The following INA variants were observed in gnomAD, a reference collection of about 807,000 sequenced individuals.
The protein encoded by INA is alpha-internexin.
A neutral mutation model predicts 40.1 loss-of-function variants in INA; 35 were observed. That is an observed-to-expected ratio of 0.87 (90% CI 0.67 to 1.16). The LOEUF (loss-of-function observed/expected upper bound fraction) is 1.16. Among genes scored for constraint, INA ranks in the 50% most tolerant of loss-of-function variants. The probability of loss-of-function intolerance (pLI) is 0.00; values close to 1 mark genes in which losing one functional copy is unlikely to be tolerated. For synonymous variants in INA, 290 were observed against 316.9 expected (o/e 0.92, Z 0.90); for missense variants, 594 against 686.7 (o/e 0.87, Z 1.51).
At chr10:103,282,662 G>A (rs2093075141) in intron 1 of INA, among the ~76,000 whole-genome samples, 1 of 151,996 alleles carries the variant, frequency 6.6e-6, no homozygotes, top group Non-Finnish European at 1.5e-5. Context: ...TAATTGCTGT[G>A]GAAGGTGGCA....
At chr10:103,287,960 C>T (rs1223762054) in intron 2 of INA, among the ~76,000 whole-genome samples, 3 of 152,142 alleles carry the variant, frequency 2.0e-5, no homozygotes, top group Non-Finnish European at 4.4e-5. Flanking sequence ...GTTTCTACCA[C>T]CTTTGTGGAC....
intron 1 of INA, chr10:103,280,045 A>G (rs2093069465): frequency 7.9e-7 from 1 of 1,273,790 alleles, no homozygotes. Flanking sequence ...GGGCTTCTCC[A>G]TTTTCTCTGC....
Position 103,277,142 on chromosome 10 carries a change from T to A in INA, c.-70T>A. 8.2e-6 allele frequency: 12 copies of A among 1,468,728 alleles called. No homozygotes were observed. The highest frequency in any genetic ancestry group is 1.1e-5 in the Non-Finnish European group (12 of 1,116,604). The allele number at this position is 1,468,728 out of a possible 1,614,324, so 91.0% of individuals were successfully genotyped here. Reference sequence around the variant, plus strand: ...CCGGGCGCACCGCCCCGCCGCGCCCTGCCTGCCGCACCTCTCCTTTCTTCT... The same window carrying A: ...CCGGGCGCACCGCCCCGCCGCGCCCAGCCTGCCGCACCTCTCCTTTCTTCT... On this transcript the variant is annotated 5_prime_UTR_variant, in exon 1 of 3. Transcript: ENST00000369849. The surrounding 1 kb of genome is among the most constrained non-coding windows in gnomAD (Gnocchi z 5.6).
At position 103,278,275 on chromosome 10, in the gene INA, A is replaced by T; in HGVS notation, c.1064A>T (p.Gln355Leu). ...CACAGTGCCGAGGTAGCTGGCTACC[A>T]GGTAAGGGCCGGGGCTGGGCGTGGG... is the stretch of plus-strand genomic sequence containing the variant. The part of the protein sequence containing the change: ...ERHSAEVAGY[Q>L]DSIGQLENDL... The change falls in exon 1 of 3, where the codon CAG (glutamine) becomes CTG (leucine). Residue 355 changes from glutamine (Q) to leucine (L), a missense_variant and splice_region_variant. Transcript: ENST00000369849. This position sits in a 1 kb window ranked among gnomAD's most constrained non-coding sequence, Gnocchi z 4.9. 1 of 1,546,394 alleles carries T rather than the reference A, an allele frequency of 6.5e-7. No homozygotes were observed. The highest frequency in any genetic ancestry group is 8.7e-7 in the Non-Finnish European group (1 of 1,144,564).
chr10:103,280,796 C>T lies in INA; in HGVS notation c.1065+2520C>T, dbSNP rs2093070974. The T allele has an allele frequency of 4.1e-6, 4 of 985,444 alleles. No homozygotes were observed. The South Asian group carries it at 1.4e-4, about 35-fold the overall frequency. 61.0% of individuals were successfully genotyped at this position (985,444 alleles called of 1,614,324 possible). On this transcript the variant is annotated intron_variant, in intron 1 of 2. Transcript: ENST00000369849. ...TTGTCTTCAAAAGCCAAATGCAACT[C>T]CCCTCTGCATAAAAAGCTGATGGGG...
At chr10:103,287,967 G>T (rs2093090390) in intron 2 of INA, among the ~76,000 whole-genome samples, 1 of 152,026 alleles carries the variant, frequency 6.6e-6, no homozygotes, top group African/African-American at 2.4e-5. Flanking sequence ...CCACCTTTGT[G>T]GACATCTCAC....
chr10:103,277,599 C>A lies in INA; in HGVS notation c.388C>A (p.Arg130=). 6.4e-7 allele frequency: 1 copy of A among 1,552,012 alleles called. No homozygotes were observed. The change falls in exon 1 of 3, where the codon CGA becomes AGA. Residue 130 remains arginine (R), a synonymous_variant. Transcript: ENST00000369849. The surrounding 1 kb of genome is among the most constrained non-coding windows in gnomAD (Gnocchi z 5.6). ...GTTGGAGGCCGAGCTGGCCGCGCTG[C>A]GACAGCGCCACGCTGAGCCGTCGCG... ...RALEAELAAL[R]QRHAEPSRVG...
Position 103,281,835 on chromosome 10 carries a change from G to A in INA, c.1065+3559G>A, listed in dbSNP as rs953770907. 3.5e-4 allele frequency among the ~76,000 whole-genome samples: 54 copies of A among 152,348 alleles called. 1 individual carries two copies. Among genetic ancestry groups the A allele is most frequent in the African/African-American group, 1.3e-3 (53 of 41,586 alleles). On this transcript the variant is annotated intron_variant, in intron 1 of 2. Transcript: ENST00000369849. ...CCCGGCATCCTTCCAGCCACGGGCT[G>A]CGATGCTCAGACGAGCTAAGACGAT...
At chr10:103,279,915 A>C in intron 1 of INA, 1 of 1,288,054 alleles carries the variant, frequency 7.8e-7, no homozygotes, top group South Asian at 1.2e-5. Context: ...ACATTTGGCT[A>C]ATTGAGACTT....
In INA at chr10:103,287,150, C is replaced by T. The variant is rs750128779; in HGVS notation, c.1181C>T (p.Ala394Val). 2 of 1,613,222 alleles carry T rather than the reference C, an allele frequency of 1.2e-6. No individual in the cohort carries two copies. Among genetic ancestry groups the T allele is most frequent in the Non-Finnish European group, 1.7e-6 (2 of 1,179,638 alleles). ...NVKMALDIEIAAYRKLLEGEE... is the reference protein window; with the variant it reads ...NVKMALDIEIVAYRKLLEGEE... Reference sequence around the variant, plus strand: ...AAAATGGCTCTTGACATTGAGATAGCAGCTTACAGGTACTGCAAAGGACCT... The same window carrying T: ...AAAATGGCTCTTGACATTGAGATAGTAGCTTACAGGTACTGCAAAGGACCT... The change falls in exon 2 of 3, where the codon GCA becomes GTA. Residue 394 changes from alanine (A) to valine (V), a missense_variant. Physicochemically the swap from Ala to Val is moderately conservative, Grantham distance 64. Around this residue, in one of 2 missense-constraint regions of INA, gnomAD observed 379 missense variants for 496.1 expected, o/e 0.76. Transcript: ENST00000369849.
At chr10:103,280,101 G>C in intron 1 of INA, 1 of 1,207,186 alleles carries the variant, frequency 8.3e-7, no homozygotes, top group Non-Finnish European at 1.1e-6. Context: ...GTTTTGCCTG[G>C]CTTGTTTGCT....
In INA at chr10:103,288,473, C is replaced by T. The variant is rs1469907897; in HGVS notation, c.1304C>T (p.Thr435Ile). 1 of 1,614,020 alleles carries T rather than the reference C, an allele frequency of 6.2e-7. No individual in the cohort carries two copies. Among genetic ancestry groups the T allele is most frequent in the South Asian group, 1.1e-5 (1 of 91,054 alleles). The change falls in exon 3 of 3, where the codon ACA (threonine) becomes ATA (isoleucine). Residue 435 changes from threonine (T) to isoleucine (I), a missense_variant. Coordinates refer to ENST00000369849, the MANE Select transcript of INA (RefSeq NM_032727.4). ...CTCCCACCTAGAATCCTCAGTGCTA[C>T]AACCTCCAAAGTCTCATCCACTGGG... ...YLLPPRILSA[T>I]TSKVSSTGLS...
At chr10:103,284,683 G>A (rs1267022156) in intron 1 of INA, among the ~76,000 whole-genome samples, 2 of 152,008 alleles carry the variant, frequency 1.3e-5, no homozygotes, top group Non-Finnish European at 2.9e-5. Context: ...GAACCCAGGT[G>A]GTGGAGGTTG....
chr10:103,284,070 T>G (rs1291337875), intron 1 of INA, among the ~76,000 whole-genome samples: 2 of 151,324 alleles, frequency 1.3e-5, no homozygotes, highest in Non-Finnish European at 2.9e-5. Context: ...TGCCCGGCCC[T>G]GCATGACTGT....
In INA at chr10:103,288,712, T is replaced by C. The variant is rs775644793; in HGVS notation, c.*43T>C. 7.0e-5 allele frequency: 91 copies of C among 1,294,274 alleles called. No homozygotes were observed. Among genetic ancestry groups the C allele is most frequent in the Non-Finnish European group, 9.1e-5 (85 of 934,318 alleles). 80.2% of individuals were successfully genotyped at this position (1,294,274 alleles called of 1,614,324 possible). ...AGTTAATGCTTAAGAGGGAATGATA[T>C]GCATTTGACTTGTTAAACAGCCTAT... On this transcript the variant is annotated 3_prime_UTR_variant, in exon 3 of 3. Transcript: ENST00000369849.
rs769230210 is a variant in INA, at chr10:103,278,209, A to G, written c.998A>G (p.Asn333Ser). 5.6e-6 allele frequency: 9 copies of G among 1,602,430 alleles called. No homozygotes were observed. Among genetic ancestry groups the G allele is most frequent in the African/African-American group, 5.4e-5 (4 of 74,714 alleles). Residue 333 changes from asparagine (N) to serine (S), a missense_variant, in exon 1 of 3, where the codon AAC (asparagine) becomes AGC (serine). By Grantham distance (46) the Asn-to-Ser change is conservative. Around this residue, in one of 2 missense-constraint regions of INA, gnomAD observed 379 missense variants for 496.1 expected, o/e 0.76. Transcript: ENST00000369849. The surrounding 1 kb of genome is among the most constrained non-coding windows in gnomAD (Gnocchi z 4.9). ...GAGATCGAGGGCCTGCGCGGGGCCAACGAGTCCTTGGAGAGGCAGATCCTG... is the reference window on the plus strand; with the variant it reads ...GAGATCGAGGGCCTGCGCGGGGCCAGCGAGTCCTTGGAGAGGCAGATCCTG... Reference protein sequence around the residue: ...TIEIEGLRGANESLERQILEL... With the variant: ...TIEIEGLRGASESLERQILEL...
chr10:103,281,559 A>G (rs2093072456), intron 1 of INA, among the ~76,000 whole-genome samples: 1 of 152,246 alleles, frequency 6.6e-6, no homozygotes, highest in Non-Finnish European at 1.5e-5. Context: ...GGAGGAAAGA[A>G]AAAGATGGGG....
intron 2 of INA, 52 bp from the exon 3 acceptor site, chr10:103,288,308 G>A (rs534743107): frequency 1.1e-5 from 16 of 1,472,696 alleles, no homozygotes; most frequent in African/African-American, 8.5e-5. Context: ...GTTGAGTTCT[G>A]GGGGGGAAAA....
chr10:103,283,806 A>C (rs1046053400), intron 1 of INA, among the ~76,000 whole-genome samples: 1 of 141,250 alleles, frequency 7.1e-6, no homozygotes, highest in African/African-American at 2.7e-5. Flanking sequence ...GCTGGAGTGC[A>C]ATGGCACGAT....
Sources: gnomAD v4.1 joint callset for allele counts (sites outside exome capture counted in the v4.1 genomes callset) on GRCh38, gnomAD v4.1.1 for gene constraint, gnomAD v4.1.1 regional missense constraint, Gnocchi (gnomAD v3.1) non-coding constraint, MANE v1.5 for transcripts, NCBI Gene and HGNC (gene_info 2026-07-23, HGNC 2026-07-21) for gene names.